The following KCTD2 variants were observed in gnomAD, a reference collection of about 807,000 sequenced individuals.
KCTD2 encodes the protein potassium channel tetramerization domain containing 2, also known as BTB/POZ domain-containing protein KCTD2.
Under a neutral mutation model 27.9 loss-of-function variants are expected in KCTD2, and 18 were observed. The ratio of observed to expected loss-of-function variants is 0.64; its 90% confidence interval spans 0.45 to 0.96. KCTD2 has a LOEUF of 0.96. KCTD2 is among the 40% of genes least tolerant of loss of function. The pLI is 0.00. For synonymous variants in KCTD2, 175 were observed against 148.4 expected, an observed-to-expected ratio of 1.18 and a Z score of -1.30; for missense variants, 280 against 348.0, an observed-to-expected ratio of 0.80 and a Z score of 1.56.
Position 75,063,526 on chromosome 17 carries a change from G to A in KCTD2, c.*479G>A. On this transcript the variant is annotated 3_prime_UTR_variant, in exon 6 of 6. Transcript: ENST00000322444. Reference sequence around the variant, plus strand: ...TCCTATGCACCCTCCAAGACGTGCAGCAGATGCAAAGGGTTCTAGCTGCAG... The same window carrying A: ...TCCTATGCACCCTCCAAGACGTGCAACAGATGCAAAGGGTTCTAGCTGCAG... The A allele has an allele frequency of 6.0e-6, 1 of 166,366 alleles. No homozygotes were observed. Among genetic ancestry groups the A allele is most frequent in the Non-Finnish European group, 1.3e-5 (1 of 75,750 alleles). 10.3% of individuals were successfully genotyped at this position (166,366 alleles called of 1,614,324 possible).
chr17:75,050,884 C>T (rs1341173573), intron 2 of KCTD2, among the ~76,000 whole-genome samples: 1 of 151,504 alleles, frequency 6.6e-6, no homozygotes, highest in Non-Finnish European at 1.5e-5. Context: ...TCTTATCTTG[C>T]CCAGGCTGGT....
chr17:75,038,975 T>G (rs372683545), intron 3 of KCTD2: 1 of 1,614,088 alleles, frequency 6.2e-7, no homozygotes, highest in Non-Finnish European at 8.5e-7. Context: ...GGGATACTTT[T>G]TCTTGTCTAA....
intron 3 of KCTD2, chr17:75,036,026 T>C (rs1445946810): frequency 8.8e-6 from 4 of 454,392 alleles, no homozygotes; most frequent in African/African-American, 6.0e-5. Flanking sequence ...TACTTGGACA[T>C]AGGGGAGAAT....
Position 75,063,159 on chromosome 17 carries a change from C to A in KCTD2, c.*112C>A. 1 of 1,012,716 alleles carries A rather than the reference C, an allele frequency of 9.9e-7. No individual in the cohort carries two copies. The highest frequency in any genetic ancestry group is 1.5e-6 in the Non-Finnish European group (1 of 646,762). 62.7% of individuals were successfully genotyped at this position (1,012,716 alleles called of 1,614,324 possible). ...GAGCCACTGCAAAGCACAGCTGATCCTGGCCCCCTGTGAAGAAGTGTTCTG... is the reference window on the plus strand; with the variant it reads ...GAGCCACTGCAAAGCACAGCTGATCATGGCCCCCTGTGAAGAAGTGTTCTG... On this transcript the variant is annotated 3_prime_UTR_variant, in exon 6 of 6. Coordinates refer to ENST00000322444, the MANE Select transcript of KCTD2 (RefSeq NM_015353.3).
At chr17:75,044,775 A>T (rs2073196287), upstream of KCTD2, among the ~76,000 whole-genome samples, 1 of 152,254 alleles carries the variant, frequency 6.6e-6, no homozygotes, top group African/African-American at 2.4e-5. Flanking sequence ...ATATTAAAAG[A>T]CTGCAAAGTC....
intron 3 of KCTD2, among the ~76,000 whole-genome samples, chr17:75,037,687 T>C (rs1215590806): frequency 6.6e-6 from 1 of 152,204 alleles, no homozygotes; most frequent in Non-Finnish European, 1.5e-5. Context: ...CCATCTCTAT[T>C]GCCTGACGTT....
chr17:75,053,723 G>T (rs1389603974), intron 3 of KCTD2, among the ~76,000 whole-genome samples: 1 of 152,040 alleles, frequency 6.6e-6, no homozygotes, highest in Non-Finnish European at 1.5e-5. Context: ...GATTACAGGC[G>T]TGAGGCACTG....
At chr17:75,058,942 C>T (rs1427410196) in intron 3 of KCTD2, among the ~76,000 whole-genome samples, 2 of 151,002 alleles carry the variant, frequency 1.3e-5, no homozygotes, top group African/African-American at 4.9e-5. Context: ...CTAAAAAATA[C>T]AAAAAATTAG....
At chr17:75,042,173 A>G (rs1288537674) in intron 3 of KCTD2, 2 of 1,611,994 alleles carry the variant, frequency 1.2e-6, no homozygotes, top group Admixed American at 3.3e-5. Context: ...AGAGGTGTGA[A>G]GTCTCACCTT....
intron 3 of KCTD2, chr17:75,036,115 G>A (rs1345823338): frequency 9.0e-6 from 4 of 445,332 alleles, no homozygotes; most frequent in African/African-American, 4.0e-5. Flanking sequence ...GTGCAGTAGC[G>A]TGATCTCGGC....
rs1411747703 is a variant in KCTD2 at position 75,032,723 on chromosome 17, A to G, written c.-471A>G. 6 of 146,170 alleles carry G rather than the reference A, an allele frequency of 4.1e-5. No individual in the cohort carries two copies. The highest frequency in any genetic ancestry group is 1.5e-4 in the African/African-American group (6 of 40,418). 9.1% of individuals were successfully genotyped at this position (146,170 alleles called of 1,614,324 possible). On this transcript the variant is annotated splice_region_variant and 5_prime_UTR_variant, in exon 1 of 8. Coordinates refer to the KCTD2 transcript ENST00000581589. This position sits in a 1 kb window ranked among gnomAD's most constrained non-coding sequence, Gnocchi z 4.8. ...GGGGACGAATAGGAACAGCTGAGCA[A>G]GGCAAGGCTGAGCCCCGGGCGGGCG...
At chr17:75,051,929 C>A (rs2073292777) in intron 2 of KCTD2, among the ~76,000 whole-genome samples, 1 of 152,124 alleles carries the variant, frequency 6.6e-6, no homozygotes, top group Non-Finnish European at 1.5e-5. Context: ...ATTTAGCATG[C>A]AAGTCTTTAA....
intron 3 of KCTD2, chr17:75,038,718 G>A: frequency 3.9e-6 from 2 of 515,804 alleles, no homozygotes; most frequent in Non-Finnish European, 6.8e-6. Context: ...TCAGTAAGTG[G>A]CGCCTACACA....
At chr17:75,036,944 T>C (rs374655389) in intron 3 of KCTD2, among the ~76,000 whole-genome samples, 2 of 152,136 alleles carry the variant, frequency 1.3e-5, no homozygotes, top group African/African-American at 4.8e-5. Flanking sequence ...CCGGCCTTAC[T>C]CCTACCAATC....
intron 3 of KCTD2, chr17:75,038,856 C>T (rs2073128165): frequency 2.0e-6 from 3 of 1,492,856 alleles, no homozygotes; most frequent in African/African-American, 1.4e-5. Context: ...AGAAGCACAC[C>T]CAGAACTGTA....
At chr17:75,042,389 T>A (rs1020683067), upstream of KCTD2, 146 of 1,496,760 alleles carry the variant, frequency 9.8e-5, no homozygotes, top group Middle Eastern at 1.8e-3. Flanking sequence ...CACTTTCCTC[T>A]CCTAAGATCA....
chr17:75,045,661 G>C (rs1304014906), upstream of KCTD2, among the ~76,000 whole-genome samples: 1 of 147,226 alleles, frequency 6.8e-6, no homozygotes, highest in Non-Finnish European at 1.5e-5. Flanking sequence ...CAGAGTTTAA[G>C]GTTCTCTCTT....
Position 75,064,660 on chromosome 17 carries a change from A to G in KCTD2, c.*1613A>G, listed in dbSNP as rs918329338. On this transcript the variant is annotated 3_prime_UTR_variant, in exon 6 of 6. Coordinates refer to ENST00000322444, the MANE Select transcript of KCTD2 (RefSeq NM_015353.3). ...TACAGGGGTTTCTGCTGACACATCA[A>G]CGTCTACACACCTATGCGCCACATT... The G allele has an allele frequency of 1.3e-5, 2 of 152,100 alleles. No homozygotes were observed. The highest frequency in any genetic ancestry group is 4.8e-5 in the African/African-American group (2 of 41,396). 9.4% of individuals were successfully genotyped at this position (152,100 alleles called of 1,614,324 possible).
chr17:75,042,171 G>C, intron 3 of KCTD2: 2 of 1,612,414 alleles, frequency 1.2e-6, no homozygotes, highest in Non-Finnish European at 1.7e-6. Context: ...TTAGAGGTGT[G>C]AAGTCTCACC....
Sources: allele counts gnomAD v4.1 joint callset (sites outside exome capture counted in the v4.1 genomes callset), GRCh38; gene constraint gnomAD v4.1.1; non-coding constraint Gnocchi (gnomAD v3.1); transcripts MANE v1.5; gene names NCBI Gene and HGNC (gene_info 2026-07-23, HGNC 2026-07-21).